UBASH3B: variants seen among roughly 807,000 people sequenced by gnomAD.
The protein encoded by UBASH3B is ubiquitin associated and SH3 domain containing B, also known as ubiquitin-associated and SH3 domain-containing protein B.
UBASH3B carries 37 observed loss-of-function variants against 83.4 expected under a neutral mutation model. That is an observed-to-expected ratio of 0.44 (90% confidence interval 0.34 to 0.58). The LOEUF (loss-of-function observed/expected upper bound fraction) is 0.58, where lower values mean the gene tolerates loss of function less well. UBASH3B is among the 20% of genes least tolerant of loss of function. The pLI, the probability that UBASH3B is intolerant of heterozygous loss-of-function variation, is 0.01. For synonymous variants in UBASH3B, 304 were observed against 318.3 expected, an observed-to-expected ratio of 0.96 and a Z score of 0.48; for missense variants, 657 against 827.2, an observed-to-expected ratio of 0.79 and a Z score of 2.52.
In UBASH3B at chr11:122,779,700, G is replaced by A; in HGVS notation, c.601+5G>A. 1 of 1,614,152 alleles carries A rather than the reference G, an allele frequency of 6.2e-7. No homozygotes were observed. On this transcript the variant is annotated splice_donor_5th_base_variant and intron_variant, in intron 4 of 13. Transcript: ENST00000284273. ...CAGAGGCTGCATCCAAAACCGGTGAGCAAACAGCTGCCAGGCCAGCCCTGG... is the reference window on the plus strand; with the variant it reads ...CAGAGGCTGCATCCAAAACCGGTGAACAAACAGCTGCCAGGCCAGCCCTGG...
intron 1 of UBASH3B, among the ~76,000 whole-genome samples, chr11:122,716,466 C>G (rs552075982): frequency 6.6e-6 from 1 of 152,324 alleles, no homozygotes; most frequent in African/African-American, 2.4e-5. Context: ...ATGATTCTAC[C>G]TTATCCTCCC....
intron 1 of UBASH3B, among the ~76,000 whole-genome samples, chr11:122,667,362 C>T (rs1246450663): frequency 6.6e-6 from 1 of 152,126 alleles, no homozygotes; most frequent in Non-Finnish European, 1.5e-5. Flanking sequence ...TTCTCTCTCT[C>T]TGTATATGTA....
At chr11:122,791,562 G>A (rs560016019) in intron 6 of UBASH3B, among the ~76,000 whole-genome samples, 3 of 152,204 alleles carry the variant, frequency 2.0e-5, no homozygotes, top group Non-Finnish European at 4.4e-5. Flanking sequence ...AAGCAATCCT[G>A]TAGATGAACT....
At chr11:122,782,681 C>T (rs1442816632) in intron 4 of UBASH3B, 1 of 169,010 alleles carries the variant, frequency 5.9e-6, no homozygotes, top group Non-Finnish European at 1.3e-5. Flanking sequence ...AGCTATAAAA[C>T]ATGCTTTGTA....
chr11:122,778,126 C>G (rs898486996), intron 3 of UBASH3B, among the ~76,000 whole-genome samples: 6 of 137,850 alleles, frequency 4.4e-5, no homozygotes, highest in Admixed American at 3.5e-4. Flanking sequence ...TGATTTATCT[C>G]CATATATTCA....
At chr11:122,789,818 C>T (rs558065109) in intron 6 of UBASH3B, among the ~76,000 whole-genome samples, 7 of 152,264 alleles carry the variant, frequency 4.6e-5, no homozygotes, top group Non-Finnish European at 8.8e-5. Context: ...CAACAAAGAC[C>T]ATGTCTAAGG....
chr11:122,799,487 CAA>C (rs34917484), intron 10 of UBASH3B, among the ~76,000 whole-genome samples: 22 of 107,884 alleles, frequency 2.0e-4, no homozygotes, highest in African/African-American at 1.5e-4. Flanking sequence ...AACTCCATCT[CAA>C]AAAAAAAAAA....
At chr11:122,717,733 A>T (rs1204366535) in intron 1 of UBASH3B, among the ~76,000 whole-genome samples, 1 of 152,048 alleles carries the variant, frequency 6.6e-6, no homozygotes, top group East Asian at 1.9e-4. Flanking sequence ...AACTGCTGTG[A>T]CTGTTGGTGG....
At chr11:122,704,799 G>A (rs529203288) in intron 1 of UBASH3B, among the ~76,000 whole-genome samples, 4 of 151,920 alleles carry the variant, frequency 2.6e-5, no homozygotes, top group South Asian at 2.1e-4. Flanking sequence ...CATGACCACC[G>A]TGCCCCGTCA....
chr11:122,662,668 T>C (rs1591758970), intron 1 of UBASH3B, among the ~76,000 whole-genome samples: 1 of 152,048 alleles, frequency 6.6e-6, no homozygotes, highest in Non-Finnish European at 1.5e-5. Flanking sequence ...TGACCTCAGG[T>C]GATCCGCCCG....
chr11:122,733,991 T>A (rs1194246333), intron 1 of UBASH3B, among the ~76,000 whole-genome samples: 2 of 152,124 alleles, frequency 1.3e-5, no homozygotes, highest in Admixed American at 1.3e-4. Flanking sequence ...GTCCAAGCAA[T>A]TCTCATGCCT....
At chr11:122,745,194 C>T in intron 1 of UBASH3B, among the ~76,000 whole-genome samples, 1 of 152,136 alleles carries the variant, frequency 6.6e-6, no homozygotes, top group South Asian at 2.1e-4. Context: ...CAAATAATTT[C>T]TTACCACTCC....
intron 1 of UBASH3B, among the ~76,000 whole-genome samples, chr11:122,750,166 G>A (rs533643862): frequency 6.6e-6 from 1 of 152,346 alleles, no homozygotes; most frequent in South Asian, 2.1e-4. Flanking sequence ...GTGTTTCTGA[G>A]TGCAACACCT....
chr11:122,682,397 G>A (rs1400487937), intron 1 of UBASH3B, among the ~76,000 whole-genome samples: 3 of 152,194 alleles, frequency 2.0e-5, no homozygotes, highest in Non-Finnish European at 1.5e-5. Context: ...GGGACGCTGA[G>A]GCGTTCACTT....
chr11:122,762,862 C>T (rs7126497), intron 1 of UBASH3B, among the ~76,000 whole-genome samples: 3,366 of 152,304 alleles, frequency 0.022, 147 homozygotes, highest in African/African-American at 0.076. Context: ...AATTTACAGA[C>T]ATTATTCCAG....
chr11:122,788,624 G>A (rs767452680), intron 5 of UBASH3B, among the ~76,000 whole-genome samples: 4 of 152,056 alleles, frequency 2.6e-5, no homozygotes, highest in African/African-American at 2.4e-5. Context: ...CAGAAAGGGG[G>A]TACTTCATTC....
intron 1 of UBASH3B, among the ~76,000 whole-genome samples, chr11:122,766,341 T>C (rs562656344): frequency 3.3e-5 from 5 of 152,080 alleles, no homozygotes; most frequent in African/African-American, 9.6e-5. Flanking sequence ...GGTCAGGAGA[T>C]CGAGACCATC....
intron 1 of UBASH3B, among the ~76,000 whole-genome samples, chr11:122,679,875 G>C (rs528126270): frequency 6.6e-6 from 1 of 151,988 alleles, no homozygotes; most frequent in East Asian, 1.9e-4. Flanking sequence ...CTGTCACTCA[G>C]GCTGGAGTGC....
chr11:122,744,873 C>CTGTGTGTGTGTGTG (rs544992534), intron 1 of UBASH3B, among the ~76,000 whole-genome samples: 6,161 of 139,308 alleles, frequency 0.044, 176 homozygotes, highest in East Asian at 0.097. Flanking sequence ...ATGTGTGACT[C>CTGTGTGTGTGTGTG]TGTGTGTGTG....
Sources: allele counts gnomAD v4.1 joint callset (sites outside exome capture counted in the v4.1 genomes callset), GRCh38; gene constraint gnomAD v4.1.1; transcripts MANE v1.5; gene names NCBI Gene and HGNC (gene_info 2026-07-23, HGNC 2026-07-21).